The following MYO16 variants were observed in gnomAD, a reference collection of about 807,000 sequenced individuals.
MYO16 encodes the protein unconventional myosin-XVI.
MYO16 carries 94 observed loss-of-function variants against 205.3 expected under a neutral mutation model. The observed-to-expected ratio is 0.46, with a 90% CI of 0.39 to 0.54. The LOEUF is 0.54. Among genes scored for constraint, MYO16 ranks in the 20% least tolerant of loss-of-function variants. The pLI is 0.00. For synonymous variants in MYO16, 988 were observed against 954.0 expected (o/e 1.04, Z -0.66); for missense variants, 2,315 against 2,387.5 (o/e 0.97, Z 0.63).
At chr13:108,667,068 C>T (rs1881764807) in intron 2 of MYO16, among the ~76,000 whole-genome samples, 3 of 152,284 alleles carry the variant, frequency 2.0e-5, no homozygotes, top group African/African-American at 7.2e-5. Context: ...ATTTTGATAG[C>T]TCATTTAGTG....
At chr13:108,565,972 A>C in the MYO16 span, among the ~76,000 whole-genome samples, 2 of 151,118 alleles carry the variant, frequency 1.3e-5, no homozygotes, top group Non-Finnish European at 2.9e-5. Flanking sequence ...TATTTGTCAG[A>C]GATATTGGCC....
chr13:108,980,302 A>G (rs978983824), intron 20 of MYO16, among the ~76,000 whole-genome samples: 1 of 152,204 alleles, frequency 6.6e-6, no homozygotes, highest in Admixed American at 6.5e-5. Context: ...TATATTTTAT[A>G]TAAAGGAAAA....
chr13:109,179,729 A>G, intron 34 of MYO16, 96 bp downstream of exon 34: 3 of 976,296 alleles, frequency 3.1e-6, no homozygotes, highest in Non-Finnish European at 4.8e-6. Flanking sequence ...CTCTGTGTGG[A>G]CTGGAGGGCT....
chr13:108,821,294 G>T lies in MYO16; in HGVS notation c.943+882G>T, dbSNP rs180833238. ...CAGAAGAAGGGATTTTTCTCTATTT[G>T]TTATTTATTGGAATTAAGTATCATT... On this transcript the variant is annotated intron_variant, in intron 8 of 34. Coordinates refer to ENST00000457511, the MANE Select transcript of MYO16 (RefSeq NM_001198950.3). 2.5e-3 allele frequency among the ~76,000 whole-genome samples: 377 copies of T among 152,052 alleles called. 3 individuals are homozygous for T. The highest frequency in any genetic ancestry group is 4.0e-3 in the Non-Finnish European group (269 of 67,936).
chr13:108,760,949 T>C (rs1885586223), intron 4 of MYO16, among the ~76,000 whole-genome samples: 1 of 152,236 alleles, frequency 6.6e-6, no homozygotes, highest in Non-Finnish European at 1.5e-5. Context: ...CACCTAATAA[T>C]TTCACCTAAT....
At chr13:109,033,445 A>G (rs1023066952) in intron 23 of MYO16, among the ~76,000 whole-genome samples, 6 of 152,138 alleles carry the variant, frequency 3.9e-5, no homozygotes, top group Admixed American at 2.0e-4. Flanking sequence ...ATCTTTCTTT[A>G]GGAGTCCTAA....
At chr13:108,497,752 C>A in the MYO16 span, among the ~76,000 whole-genome samples, 2 of 152,222 alleles carry the variant, frequency 1.3e-5, no homozygotes, top group East Asian at 1.9e-4. Flanking sequence ...TCCTCCACCC[C>A]CCTGGCCTGA....
At chr13:109,039,715 T>C (rs1432115817) in intron 23 of MYO16, among the ~76,000 whole-genome samples, 2 of 152,100 alleles carry the variant, frequency 1.3e-5, no homozygotes, top group African/African-American at 2.4e-5. Flanking sequence ...GAATGAGAAA[T>C]GTATATCACT....
intron 1 of MYO16, among the ~76,000 whole-genome samples, chr13:108,612,088 T>G (rs1427835781): frequency 6.6e-6 from 1 of 151,804 alleles, no homozygotes; most frequent in Admixed American, 6.6e-5. Flanking sequence ...TGCATGCATG[T>G]GCATATTTGT....
intron 12 of MYO16, among the ~76,000 whole-genome samples, chr13:108,880,543 G>A (rs196144): frequency 0.15 from 22,098 of 152,056 alleles, 1,674 homozygotes; most frequent in East Asian, 0.3. Context: ...TTTTGTATAA[G>A]GTGTAAGGAA....
chr13:108,889,322 G>A (rs1476941338), intron 14 of MYO16, among the ~76,000 whole-genome samples: 1 of 152,150 alleles, frequency 6.6e-6, no homozygotes, highest in African/African-American at 2.4e-5. Context: ...GTGATTCAAG[G>A]AGGAAGCAAA....
At chr13:108,690,112 A>G (rs1420949883) in intron 2 of MYO16, among the ~76,000 whole-genome samples, 1 of 152,114 alleles carries the variant, frequency 6.6e-6, no homozygotes, top group Non-Finnish European at 1.5e-5. Context: ...TGAAGGTCGA[A>G]CTCAGTGATT....
chr13:108,785,855 G>A (rs1449441792), intron 5 of MYO16, 112 bp downstream of exon 5: 12 of 675,092 alleles, frequency 1.8e-5, no homozygotes, highest in South Asian at 1.4e-4. Flanking sequence ...GTTTCCGCAC[G>A]TGGTGTAGAA....
chr13:108,976,209 T>A (rs1884250090), intron 20 of MYO16, among the ~76,000 whole-genome samples: 1 of 152,154 alleles, frequency 6.6e-6, no homozygotes, highest in Non-Finnish European at 1.5e-5. Context: ...AAATTAATGT[T>A]CCCAGGAAAA....
At chr13:108,530,508 A>G in the MYO16 span, among the ~76,000 whole-genome samples, 2,477 of 152,320 alleles carry the variant, frequency 0.016, 22 homozygotes, top group Non-Finnish European at 0.027. Context: ...GCAATTAAAA[A>G]GCCAGCTCTT....
intron 32 of MYO16, among the ~76,000 whole-genome samples, chr13:109,156,393 G>T (rs1878032878): frequency 6.6e-6 from 1 of 152,188 alleles, no homozygotes; most frequent in African/African-American, 2.4e-5. Context: ...CCTTTCTGAA[G>T]AGGAATTTTC....
At chr13:108,760,984 G>T (rs907430424) in intron 4 of MYO16, among the ~76,000 whole-genome samples, 1 of 152,140 alleles carries the variant, frequency 6.6e-6, no homozygotes, top group African/African-American at 2.4e-5. Flanking sequence ...TTCCATCCAT[G>T]TTACTGCAAA....
chr13:108,798,558 C>CATCAGTTTGAGA, intron 6 of MYO16, among the ~76,000 whole-genome samples: 1 of 152,110 alleles, frequency 6.6e-6, no homozygotes, highest in African/African-American at 2.4e-5. Context: ...AAGGTGAATT[C>CATCAGTTTGAGA]ATCAGTTTGA....
upstream of MYO16, chr13:108,629,562 T>G: frequency 2.8e-6 from 1 of 358,612 alleles, no homozygotes; most frequent in Non-Finnish European, 5.1e-6. Context: ...ATTCCCGGGA[T>G]TGTGGTACTC....
Sources: gnomAD v4.1 joint callset for allele counts (sites outside exome capture counted in the v4.1 genomes callset) on GRCh38, gnomAD v4.1.1 for gene constraint, MANE v1.5 for transcripts, NCBI Gene and HGNC (gene_info 2026-07-23, HGNC 2026-07-21) for gene names.